The following GABRB1 variants were observed in gnomAD, a reference collection of about 807,000 sequenced individuals.
The protein encoded by GABRB1 is gamma-aminobutyric acid type A receptor subunit beta1.
In GABRB1, 17 loss-of-function variants were observed where a neutral mutation model predicts 51.6. The observed-to-expected ratio is 0.33, with a 90% CI of 0.23 to 0.49. The LOEUF is 0.49. Ranked by LOEUF, GABRB1 falls within the 20% of genes least tolerant of loss-of-function variation. The probability of loss-of-function intolerance (pLI) is 0.99; values close to 1 mark genes in which losing one functional copy is unlikely to be tolerated. For missense variants in GABRB1, 410 were observed against 600.6 expected (o/e 0.68, Z 3.32); for synonymous variants, 247 against 218.9 (o/e 1.13, Z -1.14).
At chr4:47,087,592 A>G (rs997848539) in intron 3 of GABRB1, among the ~76,000 whole-genome samples, 52 of 151,686 alleles carry the variant, frequency 3.4e-4, no homozygotes, top group African/African-American at 1.2e-3. Flanking sequence ...GGTTTCCAAG[A>G]CAGGAAGGTC....
At chr4:47,082,470 T>C (rs1229068277) in intron 3 of GABRB1, among the ~76,000 whole-genome samples, 1 of 152,056 alleles carries the variant, frequency 6.6e-6, no homozygotes, top group Non-Finnish European at 1.5e-5. Context: ...AAATCAGAAG[T>C]ATTGAAGTAT....
At chr4:47,123,745 TA>T (rs1715953117) in intron 3 of GABRB1, among the ~76,000 whole-genome samples, 4 of 87,460 alleles carry the variant, frequency 4.6e-5, no homozygotes, top group Admixed American at 2.0e-4. Context: ...TATTATTATA[TA>T]TATAATATAT....
intron 1 of GABRB1, among the ~76,000 whole-genome samples, chr4:47,009,083 C>A (rs1023188259): frequency 6.0e-5 from 9 of 149,046 alleles, no homozygotes; most frequent in Non-Finnish European, 1.2e-4. Context: ...CCAGGATGGT[C>A]TCCATCTCCT....
chr4:47,123,117 T>A (rs1300668179), intron 3 of GABRB1, among the ~76,000 whole-genome samples: 6 of 151,934 alleles, frequency 3.9e-5, no homozygotes, highest in Admixed American at 3.3e-4. Flanking sequence ...CTTTTTGACA[T>A]CACAAACATA....
intron 1 of GABRB1, among the ~76,000 whole-genome samples, chr4:47,018,007 GTTTTC>G (rs1724800562): frequency 6.6e-6 from 1 of 151,940 alleles, no homozygotes; most frequent in South Asian, 2.1e-4. Flanking sequence ...TTTAAAATAA[GTTTTC>G]TTTTCTTCTT....
chr4:47,281,888 G>T (rs1239947185), intron 4 of GABRB1, among the ~76,000 whole-genome samples: 1 of 152,072 alleles, frequency 6.6e-6, no homozygotes, highest in African/African-American at 2.4e-5. Flanking sequence ...GAAAGACAAA[G>T]GGATGGAGAA....
intron 3 of GABRB1, among the ~76,000 whole-genome samples, chr4:47,086,807 C>T (rs1387649739): frequency 1.3e-5 from 2 of 152,212 alleles, no homozygotes; most frequent in East Asian, 3.8e-4. Flanking sequence ...CAAGACAGCC[C>T]TCTTACTGCT....
At chr4:47,183,984 T>C (rs1468249414) in intron 4 of GABRB1, among the ~76,000 whole-genome samples, 1 of 151,946 alleles carries the variant, frequency 6.6e-6, no homozygotes. Flanking sequence ...ACTTTGTTAC[T>C]CCAGTTCTTG....
At chr4:47,408,644 G>A (rs1728656619) in intron 8 of GABRB1, among the ~76,000 whole-genome samples, 2 of 152,160 alleles carry the variant, frequency 1.3e-5, no homozygotes, top group Non-Finnish European at 2.9e-5. Context: ...ACTCATATGA[G>A]GTGATTATAA....
At chr4:47,175,518 C>T (rs1210430257) in intron 4 of GABRB1, among the ~76,000 whole-genome samples, 2 of 152,136 alleles carry the variant, frequency 1.3e-5, no homozygotes, top group Admixed American at 6.6e-5. Flanking sequence ...ATGGCTTTGG[C>T]TTTTATGTAG....
At chr4:47,352,055 A>T (rs904146922) in intron 5 of GABRB1, among the ~76,000 whole-genome samples, 1 of 151,992 alleles carries the variant, frequency 6.6e-6, no homozygotes, top group Admixed American at 6.6e-5. Flanking sequence ...ATTTCTCCAC[A>T]TCCTCTCCAG....
At chr4:47,102,166 C>G (rs867939077) in intron 3 of GABRB1, among the ~76,000 whole-genome samples, 11 of 151,990 alleles carry the variant, frequency 7.2e-5, no homozygotes, top group African/African-American at 2.4e-4. Flanking sequence ...CCTTACTAAT[C>G]TGCATTTACA....
chr4:47,374,877 T>C (rs1727327243), intron 5 of GABRB1, among the ~76,000 whole-genome samples: 1 of 152,176 alleles, frequency 6.6e-6, no homozygotes, highest in African/African-American at 2.4e-5. Context: ...AGGGTGATCA[T>C]AAAGGGCCTT....
At chr4:47,154,423 TAAAC>T (rs1429793840) in intron 3 of GABRB1, among the ~76,000 whole-genome samples, 1 of 152,084 alleles carries the variant, frequency 6.6e-6, no homozygotes, top group Non-Finnish European at 1.5e-5. Flanking sequence ...TCTTGGTTAA[TAAAC>T]AAAACCCAAA....
At chr4:47,051,894 C>T (rs1726363880) in intron 3 of GABRB1, among the ~76,000 whole-genome samples, 1 of 152,100 alleles carries the variant, frequency 6.6e-6, no homozygotes, top group Admixed American at 6.6e-5. Flanking sequence ...TTTGGGAGGC[C>T]GAGGTGGGCA....
At chr4:47,005,190 G>A (rs1222612749) in intron 1 of GABRB1, among the ~76,000 whole-genome samples, 8 of 152,186 alleles carry the variant, frequency 5.3e-5, no homozygotes, top group Admixed American at 1.3e-4. Context: ...AGGCCGAGGC[G>A]GGTGGATCAC....
intron 5 of GABRB1, among the ~76,000 whole-genome samples, chr4:47,357,925 T>C (rs933052999): frequency 4.6e-5 from 7 of 152,194 alleles, no homozygotes; most frequent in Non-Finnish European, 8.8e-5. Context: ...AATATGTAAA[T>C]AATCACAATA....
chr4:47,041,222 A>G (rs537967854), intron 3 of GABRB1, among the ~76,000 whole-genome samples: 3 of 152,284 alleles, frequency 2.0e-5, no homozygotes, highest in African/African-American at 7.2e-5. Context: ...AGTGACTCTC[A>G]GGACCTTTGC....
At chr4:47,000,493 C>T (rs1158994121) in intron 1 of GABRB1, among the ~76,000 whole-genome samples, 1 of 152,182 alleles carries the variant, frequency 6.6e-6, no homozygotes. Context: ...TAGCTTAAAA[C>T]AATTTATGAT....
Sources: allele counts gnomAD v4.1 joint callset (sites outside exome capture counted in the v4.1 genomes callset), GRCh38; gene constraint gnomAD v4.1.1; transcripts MANE v1.5; gene names NCBI Gene and HGNC (gene_info 2026-07-23, HGNC 2026-07-21).